PTPRN2: variants seen among roughly 807,000 people sequenced by gnomAD.
PTPRN2 encodes protein tyrosine phosphatase receptor type N2.
Under a neutral mutation model 118.8 loss-of-function variants are expected in PTPRN2, and 74 were observed. That is an observed-to-expected ratio of 0.62 (90% confidence interval 0.52 to 0.76). The LOEUF is 0.76. PTPRN2 is among the 30% of genes least tolerant of loss of function. The pLI is 0.00. For synonymous variants in PTPRN2, 641 were observed against 608.0 expected (o/e 1.05, Z -0.80); for missense variants, 1,481 against 1,394.4 (o/e 1.06, Z -0.99).
chr7:158,491,698 C>T (rs1263391781), intron 1 of PTPRN2, among the ~76,000 whole-genome samples: 1 of 152,142 alleles, frequency 6.6e-6, no homozygotes, highest in African/African-American at 2.4e-5. Flanking sequence ...CCATGTTGGC[C>T]AGGCTGGTCT....
rs529082180 is a variant in PTPRN2, at chr7:158,551,116, G to A, written c.112+36442C>T. Among the ~76,000 whole-genome samples, 185 of 152,384 alleles carry A rather than the reference G, an allele frequency of 1.2e-3. 1 individual carries two copies. Among genetic ancestry groups the A allele is most frequent in the African/African-American group, 4.3e-3 (179 of 41,590 alleles). The stretch of plus-strand genomic sequence containing the variant: ...AGGGCAGCTGCAACAACCGACACTC[G>A]CTTTGCACAGCTCTGAGACTGGAGG... On this transcript the variant is annotated intron_variant, in intron 1 of 22. Coordinates refer to ENST00000389418, the MANE Select transcript of PTPRN2 (RefSeq NM_002847.5).
chr7:158,193,601 T>C (rs1192292757), intron 4 of PTPRN2, among the ~76,000 whole-genome samples: 1 of 152,008 alleles, frequency 6.6e-6, no homozygotes, highest in African/African-American at 2.4e-5. Flanking sequence ...AGAGCTTGCC[T>C]GAGCCACGGG....
intron 11 of PTPRN2, among the ~76,000 whole-genome samples, chr7:157,911,983 C>T (rs1004129509): frequency 6.6e-6 from 1 of 152,192 alleles, no homozygotes; most frequent in Non-Finnish European, 1.5e-5. Flanking sequence ...TTTCCAATCA[C>T]TTACCCAGTC....
chr7:158,452,775 C>A (rs1293512998), intron 2 of PTPRN2, among the ~76,000 whole-genome samples: 2 of 152,238 alleles, frequency 1.3e-5, no homozygotes, highest in Non-Finnish European at 2.9e-5. Context: ...AAAGTCCCAA[C>A]ACCACAGTTA....
At chr7:157,695,221 A>C (rs997684476) in intron 12 of PTPRN2, among the ~76,000 whole-genome samples, 19 of 152,200 alleles carry the variant, frequency 1.2e-4, no homozygotes, top group Admixed American at 7.2e-4. Context: ...ATTTTTAAAC[A>C]AAATAGAGAA....
intron 12 of PTPRN2, chr7:157,864,485 G>A (rs1363200448): frequency 1.3e-5 from 2 of 152,344 alleles, no homozygotes; most frequent in South Asian, 2.1e-4. Context: ...TTGGGGCCAG[G>A]GGAGGCATTG....
intron 3 of PTPRN2, among the ~76,000 whole-genome samples, chr7:158,222,562 G>A (rs891441677): frequency 1.3e-5 from 2 of 152,102 alleles, no homozygotes; most frequent in Non-Finnish European, 2.9e-5. Context: ...GACAGACGCC[G>A]AGGACTATGA....
chr7:157,654,281 A>C (rs1585180422), intron 14 of PTPRN2, among the ~76,000 whole-genome samples: 7 of 73,838 alleles, frequency 9.5e-5, no homozygotes, highest in Non-Finnish European at 1.1e-4. Flanking sequence ...CCAATTCCAC[A>C]CCATGCCCGC....
At chr7:158,444,193 T>G (rs528506082) in intron 2 of PTPRN2, among the ~76,000 whole-genome samples, 1 of 152,190 alleles carries the variant, frequency 6.6e-6, no homozygotes, top group South Asian at 2.1e-4. Context: ...CTCGCCTGGC[T>G]CCAGCAAGAG....
intron 2 of PTPRN2, among the ~76,000 whole-genome samples, chr7:158,378,548 T>C (rs1013234262): frequency 6.6e-6 from 1 of 152,220 alleles, no homozygotes; most frequent in Admixed American, 6.5e-5. Flanking sequence ...CTATTGCGAA[T>C]GCCCTGAGTC....
At chr7:158,171,397 G>A (rs1823695139) in intron 5 of PTPRN2, among the ~76,000 whole-genome samples, 1 of 142,696 alleles carries the variant, frequency 7.0e-6, no homozygotes, top group African/African-American at 2.6e-5. Context: ...AACCCATGCT[G>A]GAGTGCAATG....
At chr7:158,372,302 C>A (rs1254337174) in intron 2 of PTPRN2, among the ~76,000 whole-genome samples, 2 of 149,470 alleles carry the variant, frequency 1.3e-5, no homozygotes, top group Non-Finnish European at 3.0e-5. Context: ...GGAGCTGGTC[C>A]CCCCAACGCT....
intron 12 of PTPRN2, among the ~76,000 whole-genome samples, chr7:157,885,673 T>C (rs1327212290): frequency 6.6e-6 from 1 of 152,254 alleles, no homozygotes; most frequent in Non-Finnish European, 1.5e-5. Flanking sequence ...AAGTTTCATA[T>C]TCATGGAGTA....
In PTPRN2 at chr7:157,785,432, G is replaced by T. The variant is rs1158071212; in HGVS notation, c.1789-102495C>A. 6.6e-6 allele frequency among the ~76,000 whole-genome samples: 1 copy of T among 152,220 alleles called. No homozygotes were observed. Among genetic ancestry groups the T allele is most frequent in the Admixed American group, 6.5e-5 (1 of 15,290 alleles). On this transcript the variant is annotated intron_variant, in intron 12 of 22. Coordinates refer to ENST00000389418, the MANE Select transcript of PTPRN2 (RefSeq NM_002847.5). The surrounding 1 kb of genome is among the most constrained non-coding windows in gnomAD (Gnocchi z 7.3). ...GGTGGTGGAAAAGGCCTTGGAGCCT[G>T]GGGCAGGGCTCAGAGGGGCCCCAGG...
rs563256637 is a variant in PTPRN2 at position 158,165,209 on chromosome 7, G to A, written c.910+1722C>T. Among the ~76,000 whole-genome samples, 3 of 152,208 alleles carry A rather than the reference G, an allele frequency of 2.0e-5. 1 individual carries two copies. The highest frequency in any genetic ancestry group is 2.0e-4 in the Admixed American group (3 of 15,286). ...AAGTGCAGGAGGCAGTGAAGACCCT[G>A]ATGGTGTCTAGTACCCACGCAAGTG... On this transcript the variant is annotated intron_variant, in intron 6 of 22. Transcript: ENST00000389418.
chr7:158,383,238 T>C (rs1247903029), intron 2 of PTPRN2, among the ~76,000 whole-genome samples: 3 of 152,194 alleles, frequency 2.0e-5, no homozygotes. Flanking sequence ...AGAATTATTT[T>C]TGTAACTCAT....
intron 2 of PTPRN2, among the ~76,000 whole-genome samples, chr7:158,319,527 T>TCACACACACACA (rs137902491): frequency 2.9e-5 from 1 of 34,936 alleles, no homozygotes; most frequent in Non-Finnish European, 5.2e-5. Flanking sequence ...ACAGCCTCCC[T>TCACACACACACA]CACACACACA....
intron 9 of PTPRN2, among the ~76,000 whole-genome samples, chr7:158,128,812 C>T (rs971702292): frequency 5.3e-5 from 8 of 152,212 alleles, no homozygotes; most frequent in Admixed American, 6.5e-5. Flanking sequence ...CAGGGATGGG[C>T]GGCCGTCCCC....
chr7:157,604,150 G>T (rs1801866787), intron 15 of PTPRN2, 75 bp from the exon 16 acceptor site: 5 of 1,386,578 alleles, frequency 3.6e-6, no homozygotes, highest in Admixed American at 1.7e-5. Context: ...TGGCCTCCAG[G>T]GCCCCCCACC....
Sources: gnomAD v4.1 joint callset for allele counts (sites outside exome capture counted in the v4.1 genomes callset) on GRCh38, gnomAD v4.1.1 for gene constraint, Gnocchi (gnomAD v3.1) non-coding constraint, MANE v1.5 for transcripts, NCBI Gene and HGNC (gene_info 2026-07-23, HGNC 2026-07-21) for gene names.